OSBP2: variants seen among roughly 807,000 people sequenced by gnomAD.
OSBP2 encodes the protein oxysterol-binding protein 2.
Under a neutral mutation model 96.0 loss-of-function variants are expected in OSBP2, and 66 were observed. That is an observed-to-expected ratio of 0.69 (90% CI 0.56 to 0.84). OSBP2 has a LOEUF of 0.84. OSBP2 is among the 40% of genes least tolerant of loss of function. The pLI is 0.00. For missense variants in OSBP2, 1,038 were observed against 1,222.7 expected (o/e 0.85, Z 2.25); for synonymous variants, 525 against 520.9 (o/e 1.01, Z -0.11).
At chr22:30,711,583 T>C (rs538906345) in intron 1 of OSBP2, among the ~76,000 whole-genome samples, 69 of 151,660 alleles carry the variant, frequency 4.5e-4, no homozygotes, top group Non-Finnish European at 8.4e-4. Context: ...CTACAAAAAA[T>C]GCAAAAATCA....
intron 2 of OSBP2, among the ~76,000 whole-genome samples, chr22:30,788,092 T>C (rs1037829939): frequency 1.4e-4 from 21 of 152,096 alleles, no homozygotes; most frequent in Non-Finnish European, 2.6e-4. Flanking sequence ...ACCTCCCCCA[T>C]CTTCAGTTCC....
intron 2 of OSBP2, among the ~76,000 whole-genome samples, chr22:30,801,843 G>A (rs2090855548): frequency 6.6e-6 from 1 of 152,110 alleles, no homozygotes; most frequent in Non-Finnish European, 1.5e-5. Context: ...TAGATATGGT[G>A]GTGCACACTT....
intron 1 of OSBP2, among the ~76,000 whole-genome samples, chr22:30,708,209 T>G (rs576614964): frequency 2.8e-4 from 42 of 152,248 alleles, no homozygotes; most frequent in Admixed American, 1.9e-3. Context: ...TTTCTAAGGC[T>G]TACATGAGCT....
At chr22:30,896,316 A>G (rs971158637) in intron 12 of OSBP2, among the ~76,000 whole-genome samples, 1 of 152,120 alleles carries the variant, frequency 6.6e-6, no homozygotes, top group Non-Finnish European at 1.5e-5. Flanking sequence ...CACCACACCC[A>G]GCCTAAAAGT....
chr22:30,807,620 C>T (rs1430411717), intron 2 of OSBP2, among the ~76,000 whole-genome samples: 1 of 152,172 alleles, frequency 6.6e-6, no homozygotes, highest in African/African-American at 2.4e-5. Flanking sequence ...TCTTCTCTCC[C>T]ACATGGTACT....
chr22:30,814,959 G>C (rs2091063730), intron 2 of OSBP2, among the ~76,000 whole-genome samples: 1 of 152,124 alleles, frequency 6.6e-6, no homozygotes, highest in Non-Finnish European at 1.5e-5. Context: ...CAAATCCCAG[G>C]GCTCTGGGTG....
chr22:30,725,561 C>T (rs9609065), intron 1 of OSBP2, among the ~76,000 whole-genome samples: 14 of 150,626 alleles, frequency 9.3e-5, no homozygotes, highest in African/African-American at 3.4e-4. Context: ...AAAAAACACA[C>T]AAAAAAAACA....
chr22:30,795,754 G>A (rs555109345), intron 2 of OSBP2, among the ~76,000 whole-genome samples: 1 of 151,924 alleles, frequency 6.6e-6, no homozygotes, highest in East Asian at 1.9e-4. Context: ...CCCGACCTCA[G>A]GTGATCCGCC....
At position 30,695,160 on chromosome 22, in the gene OSBP2, C is replaced by T. The variant is rs1334694251; in HGVS notation, c.251C>T (p.Ser84Phe). ...GCAGTGCCAAGATCGGAACCTGTGT[C>T]CGAGACGACGTCTGAGCCGGAGCCA... Reference protein sequence around the residue: ...SEAVPRSEPVSETTSEPEPGA... With the variant: ...SEAVPRSEPVFETTSEPEPGA... The change falls in exon 1 of 14, where the codon TCC becomes TTC. Residue 84 changes from serine to phenylalanine, a missense_variant. Ser to Phe is a radical substitution (Grantham distance 155, BLOSUM62 -2). Transcript: ENST00000332585. The T allele has an allele frequency of 6.2e-7, 1 of 1,610,384 alleles. No individual in the cohort carries two copies. The highest frequency in any genetic ancestry group is 2.2e-5 in the East Asian group (1 of 44,808).
rs575933276 is a variant in OSBP2, at chr22:30,738,189, T to A, written c.645-2972T>A. The stretch of plus-strand genomic sequence containing the variant: ...TGGCACTCTGGCCAAAGGACCTTTC[T>A]TTCTATTTCTTGGAAGCTGAGAACT... On this transcript the variant is annotated intron_variant, in intron 1 of 13. Transcript: ENST00000332585. Among the ~76,000 whole-genome samples the A allele has an allele frequency of 3.9e-5, 6 of 152,202 alleles. No individual in the cohort carries two copies. The South Asian group carries it at 1.2e-3, about 32-fold the overall frequency.
chr22:30,719,846 A>G (rs1290622718), intron 1 of OSBP2, among the ~76,000 whole-genome samples: 1 of 152,036 alleles, frequency 6.6e-6, no homozygotes, highest in Non-Finnish European at 1.5e-5. Context: ...CATAGAACCC[A>G]TCTCTCAAAA....
chr22:30,873,310 C>T (rs2039498676), intron 3 of OSBP2, among the ~76,000 whole-genome samples: 1 of 152,162 alleles, frequency 6.6e-6, no homozygotes, highest in Admixed American at 6.5e-5. Flanking sequence ...TGTGGCTACA[C>T]ACCAAGGCCA....
intron 2 of OSBP2, among the ~76,000 whole-genome samples, chr22:30,749,923 G>T (rs776161644): frequency 7.9e-5 from 12 of 152,048 alleles, no homozygotes; most frequent in Non-Finnish European, 1.5e-4. Flanking sequence ...CTCGTTTCTA[G>T]TGGAACAAGC....
At chr22:30,875,693 G>A (rs760620937) in intron 3 of OSBP2, among the ~76,000 whole-genome samples, 5 of 152,182 alleles carry the variant, frequency 3.3e-5, no homozygotes, top group Non-Finnish European at 2.9e-5. Flanking sequence ...CTTTCTAGCC[G>A]GACTCAGAGG....
At chr22:30,824,864 G>A (rs907127204) in intron 2 of OSBP2, among the ~76,000 whole-genome samples, 5 of 152,320 alleles carry the variant, frequency 3.3e-5, no homozygotes, top group Non-Finnish European at 4.4e-5. Flanking sequence ...AGGTCTGGGC[G>A]TATGGAGGTG....
At chr22:30,774,512 G>C (rs5994342) in intron 2 of OSBP2, among the ~76,000 whole-genome samples, 3 of 152,202 alleles carry the variant, frequency 2.0e-5, no homozygotes, top group African/African-American at 7.2e-5. Flanking sequence ...GGAGCAAAAG[G>C]TGTGTCCCTA....
At chr22:30,892,436 G>A (rs1484601797) in intron 8 of OSBP2, among the ~76,000 whole-genome samples, 1 of 152,124 alleles carries the variant, frequency 6.6e-6, no homozygotes, top group Admixed American at 6.5e-5. Flanking sequence ...CCTGTCTGAG[G>A]GGAGATGAGA....
chr22:30,718,716 C>G (rs1046520650), intron 1 of OSBP2, among the ~76,000 whole-genome samples: 1 of 152,192 alleles, frequency 6.6e-6, no homozygotes, highest in African/African-American at 2.4e-5. Flanking sequence ...TTCGGAGTTG[C>G]AGTGACAACA....
chr22:30,853,751 AT>A (rs1310610056), intron 2 of OSBP2, among the ~76,000 whole-genome samples: 1 of 147,278 alleles, frequency 6.8e-6, no homozygotes, highest in Non-Finnish European at 1.5e-5. Context: ...CTCATAAGCT[AT>A]TCACCTCTTT....
Sources: gnomAD v4.1 joint callset for allele counts (sites outside exome capture counted in the v4.1 genomes callset) on GRCh38, gnomAD v4.1.1 for gene constraint, MANE v1.5 for transcripts, NCBI Gene and HGNC (gene_info 2026-07-23, HGNC 2026-07-21) for gene names.